CHEK2: variants seen among roughly 807,000 people sequenced by gnomAD.
CHEK2 encodes checkpoint kinase 2, also known as serine/threonine-protein kinase Chk2.
A neutral mutation model predicts 69.1 loss-of-function variants in CHEK2; 71 were observed. That is an observed-to-expected ratio of 1.03 (90% CI 0.85 to 1.25). The LOEUF (loss-of-function observed/expected upper bound fraction) is 1.25. CHEK2 is among the 50% of genes most tolerant of loss of function. The probability of loss-of-function intolerance (pLI) is 0.00; values close to 1 mark genes in which losing one functional copy is unlikely to be tolerated. For missense variants in CHEK2, 664 were observed against 649.6 expected, an observed-to-expected ratio of 1.02 and a Z score of -0.24; for synonymous variants, 189 against 226.9, an observed-to-expected ratio of 0.83 and a Z score of 1.50.
chr22:28,695,690 G>A lies in CHEK2; in HGVS notation c.1259+20C>T, dbSNP rs777379343. ...TAATCACCTCCTACCAGTCTGTGCA[G>A]CAATGAAAATATTTCTTACCAGATA... On this transcript the variant is annotated intron_variant, in intron 11 of 14. Coordinates refer to ENST00000404276, the MANE Select transcript of CHEK2 (RefSeq NM_007194.4). The A allele has an allele frequency of 1.2e-6, 2 of 1,609,656 alleles. No individual in the cohort carries two copies. Among genetic ancestry groups the A allele is most frequent in the South Asian group, 1.1e-5 (1 of 90,976 alleles).
intron 4 of CHEK2, 150 bp from the exon 5 acceptor site, chr22:28,719,635 T>G: frequency 1.7e-6 from 1 of 588,396 alleles, no homozygotes; most frequent in Non-Finnish European, 3.0e-6. Context: ...GTATGTAATA[T>G]AATAGGTATT....
chr22:28,711,033 C>T (rs1047714065), intron 6 of CHEK2, among the ~76,000 whole-genome samples: 2 of 151,986 alleles, frequency 1.3e-5, no homozygotes, highest in African/African-American at 2.4e-5. Flanking sequence ...ATGGCATTGT[C>T]TAGGGGGAAA....
Position 28,713,176 on chromosome 22 carries a change from A to G in CHEK2, c.684-1159T>C, listed in dbSNP as rs142545692. On this transcript the variant is annotated intron_variant, in intron 5 of 14. Transcript: ENST00000404276. ...CCTTTTTACAGCTGAATAATATTCCATTATATGGAAGTATCACAGTTTATC... is the reference window on the plus strand; with the variant it reads ...CCTTTTTACAGCTGAATAATATTCCGTTATATGGAAGTATCACAGTTTATC... 5.9e-5 allele frequency among the ~76,000 whole-genome samples: 9 copies of G among 152,330 alleles called. No homozygotes were observed. The East Asian group carries it at 1.7e-3, about 29-fold the overall frequency.
chr22:28,725,271 T>C lies in CHEK2; in HGVS notation c.416A>G (p.Tyr139Cys), dbSNP rs587780182. Residue 139 changes from tyrosine to cysteine, a missense_variant, in exon 3 of 15, where the codon TAC becomes TGC. Tyr to Cys is a radical substitution (Grantham distance 194). Coordinates refer to ENST00000404276, the MANE Select transcript of CHEK2 (RefSeq NM_007194.4). The stretch of plus-strand genomic sequence containing the variant: ...GAAAATCCGAAAGTGTTTCTTGCTG[T>C]ATGTTCGGTATTTATCTGTTCTTTT... ...LLKRTDKYRT[Y>C]SKKHFRIFRE... is the part of the protein sequence containing the mutation. The C allele has an allele frequency of 6.2e-7, 1 of 1,614,154 alleles. No homozygotes were observed. The highest frequency in any genetic ancestry group is 8.5e-7 in the Non-Finnish European group (1 of 1,180,012).
In CHEK2 at chr22:28,696,972, C is replaced by T. The variant is rs730881705; in HGVS notation, c.1024G>A (p.Gly342Ser). Residue 342 changes from glycine to serine, a missense_variant, in exon 10 of 15, where the codon GGT becomes AGT. Gly to Ser is a moderately conservative substitution (Grantham distance 56). Transcript: ENST00000404276. ...GGCTTTAAGTCACGGTGTATAATAC[C>T]GTTTTCATGAAGGTACTACACAGAA... is the stretch of plus-strand genomic sequence containing the variant. ...LLAVQYLHEN[G>S]IIHRDLKPEN... The T allele has an allele frequency of 1.7e-5, 27 of 1,611,586 alleles. No homozygotes were observed. Among genetic ancestry groups the T allele is most frequent in the Admixed American group, 1.5e-4 (9 of 59,966 alleles).
chr22:28,738,190 G>T (rs1393324110), intron 1 of CHEK2, among the ~76,000 whole-genome samples: 1 of 152,188 alleles, frequency 6.6e-6, no homozygotes, highest in African/African-American at 2.4e-5. Flanking sequence ...GGGTGACAGA[G>T]CGAGACCCTG....
intron 5 of CHEK2, among the ~76,000 whole-genome samples, chr22:28,718,163 A>G (rs1418518777): frequency 6.6e-6 from 1 of 152,294 alleles, no homozygotes; most frequent in African/African-American, 2.4e-5. Flanking sequence ...TGCACCTATC[A>G]TGATGTATGA....
At position 28,691,107 on chromosome 22, in the gene CHEK2, C is replaced by T. The variant is rs570052034; in HGVS notation, c.1462-1892G>A. Among the ~76,000 whole-genome samples the T allele has an allele frequency of 5.9e-5, 9 of 152,344 alleles. No homozygotes were observed. In the South Asian group the frequency reaches 1.2e-3, roughly 21 times the overall value. On this transcript the variant is annotated intron_variant, in intron 13 of 14. Coordinates refer to ENST00000404276, the MANE Select transcript of CHEK2 (RefSeq NM_007194.4). Reference sequence around the variant, plus strand: ...GGATCTCAATTATCTTGCAGTGTCACTCTCAAAAGTCCATCTCTTGGCAGC... The same window carrying T: ...GGATCTCAATTATCTTGCAGTGTCATTCTCAAAAGTCCATCTCTTGGCAGC...
intron 2 of CHEK2, among the ~76,000 whole-genome samples, chr22:28,732,245 G>C (rs1281464471): frequency 3.9e-5 from 6 of 152,106 alleles, no homozygotes; most frequent in Admixed American, 3.9e-4. Context: ...CTGAGTAGCT[G>C]GGATTACAGG....
At chr22:28,706,298 T>A (rs2053137996) in intron 7 of CHEK2, among the ~76,000 whole-genome samples, 1 of 147,880 alleles carries the variant, frequency 6.8e-6, no homozygotes, top group African/African-American at 2.5e-5. Context: ...ACACTCCAGC[T>A]CACACACACA....
chr22:28,690,312 T>G (rs1193200638), intron 13 of CHEK2, among the ~76,000 whole-genome samples: 1 of 152,004 alleles, frequency 6.6e-6, no homozygotes, highest in East Asian at 1.9e-4. Context: ...GGCAACATAG[T>G]GGGACTTCGT....
At position 28,689,119 on chromosome 22, in the gene CHEK2, T is replaced by C. The variant is rs749728970; in HGVS notation, c.1542+16A>G. 9.0e-6 allele frequency: 14 copies of C among 1,550,978 alleles called. No homozygotes were observed. The highest frequency in any genetic ancestry group is 1.1e-5 in the Non-Finnish European group (13 of 1,138,826). On this transcript the variant is annotated intron_variant, in intron 14 of 14. Coordinates refer to ENST00000404276, the MANE Select transcript of CHEK2 (RefSeq NM_007194.4). ...AAGCCCAGACTACATTTAGTGATCA[T>C]CAGGAATACGAATACCTGGGCTAGA... is the stretch of plus-strand genomic sequence containing the variant.
intron 1 of CHEK2, among the ~76,000 whole-genome samples, chr22:28,740,967 C>A (rs1483506290): frequency 6.6e-6 from 1 of 151,832 alleles, no homozygotes; most frequent in Non-Finnish European, 1.5e-5. Flanking sequence ...ATCAGCCTGG[C>A]CAACATGGTG....
intron 9 of CHEK2, 30 bp downstream of exon 9, chr22:28,699,808 G>A (rs2052753603): frequency 1.4e-6 from 2 of 1,434,048 alleles, no homozygotes; most frequent in African/African-American, 2.8e-5. Context: ...AAGAAAGGCA[G>A]CTGTCAAAAG....
rs17880171 is a variant in CHEK2, at chr22:28,724,867, C to T, written c.592+110G>A. On this transcript the variant is annotated intron_variant, in intron 4 of 14. Transcript: ENST00000404276. ...AGGTGTGAGCCACCACGCCCAGCAA[C>T]TTACTCATCTTTACTCACTTAAACC... The T allele has an allele frequency of 7.6e-6, 9 of 1,189,858 alleles. No individual in the cohort carries two copies. The Admixed American group carries it at 1.2e-4, about 16-fold the overall frequency. The allele number at this position is 1,189,858 out of a possible 1,614,324, so 73.7% of individuals were successfully genotyped here.
intron 1 of CHEK2, among the ~76,000 whole-genome samples, chr22:28,741,422 T>C (rs1601375695): frequency 6.6e-6 from 1 of 152,196 alleles, no homozygotes; most frequent in Non-Finnish European, 1.5e-5. Context: ...CAGCGCCCAG[T>C]AGCTAAGACT....
chr22:28,732,352 C>T (rs1483028764), intron 2 of CHEK2, among the ~76,000 whole-genome samples: 2 of 152,120 alleles, frequency 1.3e-5, no homozygotes, highest in Non-Finnish European at 2.9e-5. Context: ...CTCAGGTGAT[C>T]CGCCCATCTC....
chr22:28,693,404 C>T (rs916227623), intron 13 of CHEK2, among the ~76,000 whole-genome samples: 5 of 152,170 alleles, frequency 3.3e-5, no homozygotes, highest in Non-Finnish European at 7.3e-5. Context: ...TACCCAGTCA[C>T]TTGGGCTTGA....
At chr22:28,731,973 G>A (rs995959773) in intron 2 of CHEK2, among the ~76,000 whole-genome samples, 2 of 151,946 alleles carry the variant, frequency 1.3e-5, no homozygotes, top group Non-Finnish European at 2.9e-5. Context: ...ACGGAATCTC[G>A]CTCTGTCACC....
Sources: gnomAD v4.1 joint callset for allele counts (sites outside exome capture counted in the v4.1 genomes callset) on GRCh38, gnomAD v4.1.1 for gene constraint, MANE v1.5 for transcripts, NCBI Gene and HGNC (gene_info 2026-07-23, HGNC 2026-07-21) for gene names.